PDPN: variants seen among roughly 807,000 people sequenced by gnomAD.
PDPN encodes PA2.26 antigen.
Under a neutral mutation model 23.2 loss-of-function variants are expected in PDPN, and 12 were observed. The ratio of observed to expected loss-of-function variants is 0.52; its 90% CI spans 0.33 to 0.84. The LOEUF (loss-of-function observed/expected upper bound fraction) is 0.84, where lower values mean the gene tolerates loss of function less well. Ranked by LOEUF, PDPN falls within the 40% of genes least tolerant of loss-of-function variation. PDPN has a pLI of 0.02. For synonymous variants in PDPN, 77 were observed against 76.7 expected (o/e 1.00, Z -0.02); for missense variants, 199 against 212.2 (o/e 0.94, Z 0.39).
At chr1:13,597,183 T>C (rs1640518933) in intron 1 of PDPN, among the ~76,000 whole-genome samples, 1 of 152,206 alleles carries the variant, frequency 6.6e-6, no homozygotes, top group African/African-American at 2.4e-5. Context: ...GAGTTTGTTC[T>C]ATAGGGGAAA....
chr1:13,588,138 TAC>T (rs34227537), intron 1 of PDPN, among the ~76,000 whole-genome samples: 72,368 of 150,486 alleles, frequency 0.48, 18,613 homozygotes, highest in African/African-American at 0.68. Context: ...CAAACACACA[TAC>T]ACACACACAC....
intron 1 of PDPN, among the ~76,000 whole-genome samples, chr1:13,601,991 C>T (rs1314603670): frequency 9.6e-6 from 1 of 103,862 alleles, no homozygotes; most frequent in Admixed American, 8.4e-5. Context: ...TTGGGTGGCT[C>T]ATGCCTTTGG....
At chr1:13,587,702 G>A (rs2100591292) in intron 1 of PDPN, among the ~76,000 whole-genome samples, 1 of 152,306 alleles carries the variant, frequency 6.6e-6, no homozygotes, top group East Asian at 1.9e-4. Context: ...ATGAGTCTTA[G>A]GATTCTCATT....
intron 2 of PDPN, among the ~76,000 whole-genome samples, chr1:13,607,974 G>A (rs775922156): frequency 7.9e-5 from 12 of 152,086 alleles, no homozygotes; most frequent in Non-Finnish European, 1.5e-4. Context: ...GCGTGGCTGT[G>A]TGCACCTGTG....
chr1:13,590,270 A>C (rs1010765546), intron 1 of PDPN, among the ~76,000 whole-genome samples: 2 of 152,270 alleles, frequency 1.3e-5, no homozygotes, highest in African/African-American at 4.8e-5. Context: ...AAGCATTTAC[A>C]GAGCACACAC....
At chr1:13,594,829 A>AC (rs913484700) in intron 1 of PDPN, among the ~76,000 whole-genome samples, 10 of 148,496 alleles carry the variant, frequency 6.7e-5, no homozygotes, top group South Asian at 4.4e-4. Context: ...TACTAAAAAT[A>AC]CAAAAAAAAA....
chr1:13,595,091 T>A (rs747280172), intron 1 of PDPN, among the ~76,000 whole-genome samples: 36 of 152,080 alleles, frequency 2.4e-4, no homozygotes, highest in Non-Finnish European at 4.3e-4. Context: ...ATAGCACTTG[T>A]TATTAAAACA....
intron 1 of PDPN, among the ~76,000 whole-genome samples, chr1:13,590,018 G>C (rs906317765): frequency 1.3e-5 from 2 of 152,158 alleles, no homozygotes; most frequent in Admixed American, 6.5e-5. Flanking sequence ...GGTAGAGATG[G>C]GGTTTCACCA....
intron 1 of PDPN, among the ~76,000 whole-genome samples, chr1:13,602,191 G>A (rs1448613878): frequency 6.6e-6 from 1 of 152,222 alleles, no homozygotes; most frequent in Non-Finnish European, 1.5e-5. Context: ...AGCCGGGTGT[G>A]GTGGTGGGCA....
At position 13,602,545 on chromosome 1, in the gene PDPN, C is replaced by A. The variant is rs1047926919; in HGVS notation, c.68-4628C>A. ...TTTTTATTAAGAATTTGGACTATTA[C>A]AATAACAGCCTGATTGAATGTTACA... On this transcript the variant is annotated intron_variant, in intron 1 of 5. Coordinates refer to ENST00000621990, the MANE Select transcript of PDPN (RefSeq NM_006474.5). Among the ~76,000 whole-genome samples the A allele has an allele frequency of 3.1e-4, 47 of 152,140 alleles. 1 individual carries two copies. The highest frequency in any genetic ancestry group is 1.8e-3 in the Admixed American group (28 of 15,270).
At chr1:13,591,226 C>T (rs1640336048) in intron 1 of PDPN, among the ~76,000 whole-genome samples, 1 of 152,116 alleles carries the variant, frequency 6.6e-6, no homozygotes, top group South Asian at 2.1e-4. Context: ...AGGCGTGAGC[C>T]ACCATGTGCA....
chr1:13,605,669 T>C (rs758703976), intron 1 of PDPN, among the ~76,000 whole-genome samples: 10 of 152,078 alleles, frequency 6.6e-5, no homozygotes, highest in South Asian at 4.2e-4. Context: ...TGTCACCAGG[T>C]TGGAGTGCAG....
chr1:13,598,812 T>C (rs748730317), intron 1 of PDPN, among the ~76,000 whole-genome samples: 3 of 152,096 alleles, frequency 2.0e-5, no homozygotes, highest in Non-Finnish European at 2.9e-5. Flanking sequence ...AACAGCTACT[T>C]ACCGAGTGCC....
intron 1 of PDPN, among the ~76,000 whole-genome samples, chr1:13,586,206 G>C (rs2100587534): frequency 6.6e-6 from 1 of 152,218 alleles, no homozygotes; most frequent in South Asian, 2.1e-4. Flanking sequence ...ATCCACCCAG[G>C]ATTAATCATG....
At chr1:13,595,582 C>T (rs1313094320) in intron 1 of PDPN, among the ~76,000 whole-genome samples, 1 of 152,212 alleles carries the variant, frequency 6.6e-6, no homozygotes, top group Non-Finnish European at 1.5e-5. Context: ...GAACTAGTGA[C>T]ACGTGTCTGA....
At chr1:13,611,167 G>T (rs542587730) in intron 3 of PDPN, among the ~76,000 whole-genome samples, 1 of 151,760 alleles carries the variant, frequency 6.6e-6, no homozygotes, top group Admixed American at 6.6e-5. Flanking sequence ...CTTACAGTGA[G>T]CCCAGATGAC....
intron 1 of PDPN, among the ~76,000 whole-genome samples, chr1:13,586,384 C>A (rs1420232089): frequency 6.6e-6 from 1 of 152,044 alleles, no homozygotes; most frequent in Non-Finnish European, 1.5e-5. Context: ...TGTATAAGAT[C>A]CAAAATAGCA....
chr1:13,598,105 T>TCCC (rs1382513170), intron 1 of PDPN, among the ~76,000 whole-genome samples: 2 of 152,084 alleles, frequency 1.3e-5, no homozygotes, highest in Non-Finnish European at 2.9e-5. Flanking sequence ...AACTTCTACC[T>TCCC]CCCAGGTTCA....
intron 1 of PDPN, among the ~76,000 whole-genome samples, chr1:13,594,726 C>T (rs970741170): frequency 2.0e-5 from 3 of 152,098 alleles, no homozygotes; most frequent in Admixed American, 2.0e-4. Flanking sequence ...GTGGCTTACG[C>T]CTCTAATCCC....
Sources: gnomAD v4.1 joint callset for allele counts (sites outside exome capture counted in the v4.1 genomes callset) on GRCh38, gnomAD v4.1.1 for gene constraint, MANE v1.5 for transcripts, NCBI Gene and HGNC (gene_info 2026-07-23, HGNC 2026-07-21) for gene names.